The following ZNF618 variants were observed in gnomAD, a reference collection of about 807,000 sequenced individuals.
The protein encoded by ZNF618 is zinc finger protein 618, also known as neural precursor cell expressed, developmentally down-regulated 10.
ZNF618 carries 34 observed loss-of-function variants against 103.0 expected under a neutral mutation model. The ratio of observed to expected loss-of-function variants is 0.33; its 90% CI spans 0.25 to 0.44. The LOEUF (loss-of-function observed/expected upper bound fraction) is 0.44. ZNF618 is among the 20% of genes least tolerant of loss of function. The pLI is 1.00. For missense variants in ZNF618, 1,059 were observed against 1,295.4 expected (o/e 0.82, Z 2.80); for synonymous variants, 551 against 542.2 (o/e 1.02, Z -0.23).
intron 1 of ZNF618, among the ~76,000 whole-genome samples, chr9:113,907,836 T>C (rs549806658): frequency 9.8e-5 from 15 of 152,324 alleles, no homozygotes; most frequent in African/African-American, 3.6e-4. Flanking sequence ...TTCCTTCCGA[T>C]GGGGTTGTTT....
intron 1 of ZNF618, among the ~76,000 whole-genome samples, chr9:113,882,951 A>G (rs1269407395): frequency 6.6e-6 from 1 of 152,170 alleles, no homozygotes; most frequent in African/African-American, 2.4e-5. Context: ...AACAATGTGG[A>G]CCCACAGGTC....
At chr9:113,930,102 T>C (rs1311648206) in intron 1 of ZNF618, among the ~76,000 whole-genome samples, 1 of 152,206 alleles carries the variant, frequency 6.6e-6, no homozygotes, top group Admixed American at 6.5e-5. Flanking sequence ...TCATTCCTCC[T>C]TGTTTGCAAA....
intron 1 of ZNF618, among the ~76,000 whole-genome samples, chr9:113,929,543 T>C (rs1161770677): frequency 6.6e-6 from 1 of 152,220 alleles, no homozygotes; most frequent in Non-Finnish European, 1.5e-5. Context: ...TGCTGGAGGC[T>C]GTGGCACCCT....
At chr9:113,927,369 C>T (rs1833197492) in intron 1 of ZNF618, among the ~76,000 whole-genome samples, 1 of 152,156 alleles carries the variant, frequency 6.6e-6, no homozygotes, top group Non-Finnish European at 1.5e-5. Context: ...CACCTGTTGT[C>T]TTTGGGTTTC....
intron 1 of ZNF618, among the ~76,000 whole-genome samples, chr9:113,918,263 T>G (rs1276327345): frequency 6.6e-6 from 1 of 152,224 alleles, no homozygotes; most frequent in Non-Finnish European, 1.5e-5. Flanking sequence ...TATTGATGAC[T>G]TACTACTGGT....
At chr9:114,007,816 T>C (rs945297355) in intron 7 of ZNF618, among the ~76,000 whole-genome samples, 5 of 152,180 alleles carry the variant, frequency 3.3e-5, no homozygotes, top group Non-Finnish European at 7.3e-5. Flanking sequence ...CAATTAGAAA[T>C]TAGAATAATA....
chr9:114,016,250 G>C, intron 9 of ZNF618: 1 of 1,342,058 alleles, frequency 7.5e-7, no homozygotes, highest in East Asian at 2.3e-5. Context: ...TTGGGGGCAG[G>C]GAAGGTCCTG....
chr9:113,982,582 T>G (rs918148280), intron 2 of ZNF618, among the ~76,000 whole-genome samples: 3 of 152,204 alleles, frequency 2.0e-5, no homozygotes, highest in African/African-American at 4.8e-5. Context: ...TAAGGTCATA[T>G]GCACAGAATC....
At chr9:114,002,530 C>A in intron 5 of ZNF618, 94 bp from the exon 6 acceptor site, 2 of 1,408,526 alleles carry the variant, frequency 1.4e-6, no homozygotes, top group Non-Finnish European at 2.0e-6. Flanking sequence ...GTGAGCTCTT[C>A]CCCTGTGGCT....
intron 1 of ZNF618, among the ~76,000 whole-genome samples, chr9:113,917,269 G>A: frequency 1.5e-5 from 2 of 134,134 alleles, no homozygotes; most frequent in South Asian, 2.4e-4. Context: ...TTGTGAGATA[G>A]GGGTCTGGCT....
At chr9:113,906,179 T>G (rs1027286140) in intron 1 of ZNF618, among the ~76,000 whole-genome samples, 1 of 152,194 alleles carries the variant, frequency 6.6e-6, no homozygotes, top group African/African-American at 2.4e-5. Context: ...TCATAGACTC[T>G]GTGCATTTCA....
At chr9:113,981,295 G>A (rs1460642154) in intron 2 of ZNF618, among the ~76,000 whole-genome samples, 1 of 152,102 alleles carries the variant, frequency 6.6e-6, no homozygotes. Context: ...GAAGAGCAGG[G>A]GTCCTCAGGC....
intron 1 of ZNF618, among the ~76,000 whole-genome samples, chr9:113,952,415 C>G (rs879282353): frequency 6.6e-6 from 1 of 152,196 alleles, no homozygotes; most frequent in Non-Finnish European, 1.5e-5. Flanking sequence ...TGTCTGTCCA[C>G]CCCCTGATGA....
At chr9:114,012,182 A>C (rs1307490933) in intron 9 of ZNF618, among the ~76,000 whole-genome samples, 2 of 152,246 alleles carry the variant, frequency 1.3e-5, no homozygotes, top group Admixed American at 6.5e-5. Context: ...ATGACCTTAC[A>C]CATCCACTTA....
At chr9:113,957,604 T>C (rs1286451354) in intron 1 of ZNF618, among the ~76,000 whole-genome samples, 1 of 152,162 alleles carries the variant, frequency 6.6e-6, no homozygotes, top group Non-Finnish European at 1.5e-5. Context: ...ATGCCAGCAT[T>C]ACCCTGGCCA....
chr9:114,016,035 G>A, intron 9 of ZNF618: 2 of 1,367,334 alleles, frequency 1.5e-6, no homozygotes, highest in Non-Finnish European at 2.1e-6. Flanking sequence ...CTTTGTTTGG[G>A]GGTTACAGAT....
At chr9:113,925,344 A>G (rs940201411) in intron 1 of ZNF618, among the ~76,000 whole-genome samples, 2 of 151,424 alleles carry the variant, frequency 1.3e-5, no homozygotes, top group Admixed American at 6.6e-5. Context: ...TAGTCTTAGT[A>G]TGGTATATCT....
intron 5 of ZNF618, 21 bp from the exon 6 acceptor site, chr9:114,002,603 C>CT: frequency 6.6e-7 from 1 of 1,515,436 alleles, no homozygotes; most frequent in East Asian, 2.4e-5. Flanking sequence ...CACCCCCATC[C>CT]CTCTCTCTCT....
intron 2 of ZNF618, among the ~76,000 whole-genome samples, chr9:113,974,151 G>A (rs1266664527): frequency 6.6e-6 from 1 of 152,234 alleles, no homozygotes; most frequent in Non-Finnish European, 1.5e-5. Context: ...TTGTTAGATA[G>A]TAACAAGTGT....
Sources: allele counts gnomAD v4.1 joint callset (sites outside exome capture counted in the v4.1 genomes callset), GRCh38; gene constraint gnomAD v4.1.1; transcripts MANE v1.5; gene names NCBI Gene and HGNC (gene_info 2026-07-23, HGNC 2026-07-21).